SGK3: variants seen among roughly 807,000 people sequenced by gnomAD.
SGK3 encodes the protein serum/glucocorticoid regulated kinase family member 3.
SGK3 carries 47 observed loss-of-function variants against 68.5 expected under a neutral mutation model. The ratio of observed to expected loss-of-function variants is 0.69; its 90% CI spans 0.54 to 0.87. The LOEUF (loss-of-function observed/expected upper bound fraction) is 0.87. Ranked by LOEUF, SGK3 falls within the 40% of genes least tolerant of loss-of-function variation. The pLI is 0.00. For missense variants in SGK3, 479 were observed against 575.5 expected (o/e 0.83, Z 1.72); for synonymous variants, 181 against 189.1 (o/e 0.96, Z 0.35).
intron 1 of SGK3, among the ~76,000 whole-genome samples, chr8:66,716,511 G>T (rs6998252): frequency 0.14 from 19,358 of 142,894 alleles, 2,398 homozygotes; most frequent in African/African-American, 0.33. Context: ...TTCACCTCCT[G>T]GTGGCCACTG....
intron 1 of SGK3, among the ~76,000 whole-genome samples, chr8:66,793,357 G>A (rs1023695213): frequency 6.6e-6 from 1 of 152,178 alleles, no homozygotes; most frequent in African/African-American, 2.4e-5. Flanking sequence ...TTCTAGGTGA[G>A]AGTTAGTCCC....
At chr8:66,822,574 T>A in intron 6 of SGK3, 115 bp downstream of exon 6, 1 of 928,844 alleles carries the variant, frequency 1.1e-6, no homozygotes, top group Non-Finnish European at 1.6e-6. Flanking sequence ...GAGTTTCTAC[T>A]ATGTAGAACA....
chr8:66,824,389 T>C (rs1225369329), intron 6 of SGK3, among the ~76,000 whole-genome samples: 1 of 151,950 alleles, frequency 6.6e-6, no homozygotes, highest in East Asian at 1.9e-4. Flanking sequence ...TAAAAAAACA[T>C]AGAGGAAAAT....
chr8:66,723,183 C>T (rs9918869), intron 1 of SGK3, among the ~76,000 whole-genome samples: 15,749 of 122,576 alleles, frequency 0.13, 2,013 homozygotes, highest in African/African-American at 0.33. Context: ...CAGCGACTTA[C>T]GCCTGTAATC....
intron 14 of SGK3, among the ~76,000 whole-genome samples, chr8:66,846,417 C>G (rs980627930): frequency 6.6e-6 from 1 of 152,064 alleles, no homozygotes; most frequent in Admixed American, 6.6e-5. Flanking sequence ...CAGGTTTAAC[C>G]GATTCTCATG....
At chr8:66,832,097 CTGGA>C (rs1308556200) in intron 8 of SGK3, among the ~76,000 whole-genome samples, 1 of 151,960 alleles carries the variant, frequency 6.6e-6, no homozygotes, top group Non-Finnish European at 1.5e-5. Flanking sequence ...TAAGCCAAAG[CTGGA>C]AAGACAAAAA....
At chr8:66,806,267 G>T (rs759290459) in intron 4 of SGK3, among the ~76,000 whole-genome samples, 3 of 151,968 alleles carry the variant, frequency 2.0e-5, no homozygotes, top group Non-Finnish European at 4.4e-5. Context: ...GTAGGCTGTA[G>T]ATTTTCTGAA....
intron 6 of SGK3, among the ~76,000 whole-genome samples, chr8:66,827,906 G>A (rs1280847845): frequency 3.9e-5 from 6 of 152,072 alleles, no homozygotes; most frequent in South Asian, 2.1e-4. Context: ...GGCAGATCAC[G>A]AAGTCAGGAG....
At chr8:66,753,127 TACA>T (rs954440105) in intron 1 of SGK3, among the ~76,000 whole-genome samples, 14 of 152,178 alleles carry the variant, frequency 9.2e-5, no homozygotes, top group African/African-American at 2.4e-4. Flanking sequence ...TTGTTTCAGG[TACA>T]ACAACATTAT....
At chr8:66,740,048 C>G (rs1805435233) in intron 1 of SGK3, among the ~76,000 whole-genome samples, 1 of 152,204 alleles carries the variant, frequency 6.6e-6, no homozygotes, top group Non-Finnish European at 1.5e-5. Context: ...ATCAGTTACA[C>G]TGACAGTTAA....
chr8:66,792,443 T>C (rs1048290488), intron 1 of SGK3, among the ~76,000 whole-genome samples: 8 of 152,126 alleles, frequency 5.3e-5, no homozygotes, highest in African/African-American at 1.7e-4. Flanking sequence ...TAAAACTCAT[T>C]ATACCTGAAT....
At chr8:66,759,082 T>TTC (rs1376148572) in intron 1 of SGK3, among the ~76,000 whole-genome samples, 8 of 145,388 alleles carry the variant, frequency 5.5e-5, no homozygotes, top group African/African-American at 2.0e-4. Flanking sequence ...CTTTTCTTCT[T>TTC]TTTTTTTTTT....
intron 1 of SGK3, among the ~76,000 whole-genome samples, chr8:66,727,622 G>T (rs933892234): frequency 2.6e-5 from 4 of 152,218 alleles, no homozygotes; most frequent in African/African-American, 9.6e-5. Context: ...GAAAGTGGGA[G>T]TGGTTTTGTC....
chr8:66,806,648 A>G (rs1035701893), intron 4 of SGK3, among the ~76,000 whole-genome samples: 3 of 152,022 alleles, frequency 2.0e-5, no homozygotes, highest in Non-Finnish European at 2.9e-5. Flanking sequence ...CCCCGTCTTT[A>G]CTAAAAATAG....
At chr8:66,849,771 G>A (rs1217612721) in intron 15 of SGK3, among the ~76,000 whole-genome samples, 1 of 151,796 alleles carries the variant, frequency 6.6e-6, no homozygotes, top group East Asian at 1.9e-4. Context: ...AGAGATGGGA[G>A]TCTCATCATA....
At chr8:66,812,287 G>A (rs955423993) in intron 4 of SGK3, among the ~76,000 whole-genome samples, 4 of 152,036 alleles carry the variant, frequency 2.6e-5, no homozygotes, top group East Asian at 1.9e-4. Flanking sequence ...GGCTGGGTGC[G>A]GTGGGTCACG....
Position 66,847,274 on chromosome 8 carries a change from C to G in SGK3, c.1156C>G (p.Leu386Val). ...KPLSLRPGVSLTAWSILEELL... is the reference protein window; with the variant it reads ...KPLSLRPGVSVTAWSILEELL... Reference sequence around the variant, plus strand: ...CCTAAGTTTGAGGCCAGGAGTGAGTCTTACAGCCTGGTCCATTCTGGAAGA... The same window carrying G: ...CCTAAGTTTGAGGCCAGGAGTGAGTGTTACAGCCTGGTCCATTCTGGAAGA... The change falls in exon 15 of 17, where the codon CTT becomes GTT. Residue 386 changes from leucine (L) to valine (V), a missense_variant. Transcript: ENST00000521198. 6.2e-7 allele frequency: 1 copy of G among 1,613,780 alleles called. No individual in the cohort carries two copies. Among genetic ancestry groups the G allele is most frequent in the Non-Finnish European group, 8.5e-7 (1 of 1,179,970 alleles).
intron 1 of SGK3, among the ~76,000 whole-genome samples, chr8:66,718,928 A>G (rs1292976393): frequency 6.6e-6 from 1 of 151,150 alleles, no homozygotes; most frequent in Non-Finnish European, 1.5e-5. Context: ...TTTTAATTTT[A>G]GTTTTGTCTT....
At chr8:66,834,998 G>T (rs1047717658) in intron 8 of SGK3, among the ~76,000 whole-genome samples, 2 of 151,914 alleles carry the variant, frequency 1.3e-5, no homozygotes, top group Admixed American at 1.3e-4. Context: ...GGCTGGGTGC[G>T]GTGGCTTACG....
Sources: allele counts gnomAD v4.1 joint callset (sites outside exome capture counted in the v4.1 genomes callset), GRCh38; gene constraint gnomAD v4.1.1; transcripts MANE v1.5; gene names NCBI Gene and HGNC (gene_info 2026-07-23, HGNC 2026-07-21).